RNF169: variants seen among roughly 807,000 people sequenced by gnomAD.
RNF169 encodes ring finger protein 169.
In RNF169, 24 loss-of-function variants were observed where a neutral mutation model predicts 53.9. That is an observed-to-expected ratio of 0.45 (90% confidence interval 0.32 to 0.63). The LOEUF (loss-of-function observed/expected upper bound fraction) is 0.63. Among genes scored for constraint, RNF169 ranks in the 20% least tolerant of loss-of-function variants. The probability of loss-of-function intolerance (pLI) is 0.04; values close to 1 mark genes in which losing one functional copy is unlikely to be tolerated. For synonymous variants in RNF169, 396 were observed against 363.5 expected (o/e 1.09, Z -1.02); for missense variants, 883 against 906.2 (o/e 0.97, Z 0.33).
In RNF169 at chr11:74,815,388, T is replaced by A. The variant is rs2035930030; in HGVS notation, c.724-2208T>A. Among the ~76,000 whole-genome samples the A allele has an allele frequency of 3.3e-5, 5 of 152,236 alleles. No homozygotes were observed. The South Asian group carries it at 8.3e-4, about 25-fold the overall frequency. ...CTGGCCAGCATGGTGAAACCCTGTCTCTACCAAAAATAGAAAAATTAGCCG... is the reference window on the plus strand; with the variant it reads ...CTGGCCAGCATGGTGAAACCCTGTCACTACCAAAAATAGAAAAATTAGCCG... On this transcript the variant is annotated intron_variant, in intron 3 of 5. Coordinates refer to ENST00000299563, the MANE Select transcript of RNF169 (RefSeq NM_001098638.2).
intron 4 of RNF169, among the ~76,000 whole-genome samples, chr11:74,820,035 TAC>T (rs1287792919): frequency 5.9e-5 from 9 of 152,172 alleles, no homozygotes; most frequent in Non-Finnish European, 1.3e-4. Flanking sequence ...GAGTCAGAGA[TAC>T]TAAACACATG....
intron 2 of RNF169, among the ~76,000 whole-genome samples, chr11:74,799,162 T>G: frequency 6.7e-6 from 1 of 149,982 alleles, no homozygotes; most frequent in African/African-American, 2.4e-5. Context: ...AAATGCCCAC[T>G]TTTAGCATGT....
intron 4 of RNF169, among the ~76,000 whole-genome samples, chr11:74,820,575 G>C (rs2035996070): frequency 6.6e-6 from 1 of 152,104 alleles, no homozygotes; most frequent in East Asian, 1.9e-4. Flanking sequence ...ATGAAGCAGT[G>C]AGTTGAAACA....
intron 2 of RNF169, among the ~76,000 whole-genome samples, chr11:74,797,215 C>G (rs1220675738): frequency 6.6e-6 from 1 of 152,130 alleles, no homozygotes; most frequent in African/African-American, 2.4e-5. Context: ...ACTTTTAGGA[C>G]CTAATTATCT....
chr11:74,836,691 G>A lies in RNF169; in HGVS notation c.2088G>A (p.Gln696=), dbSNP rs1406354539. The stretch of plus-strand genomic sequence containing the variant: ...GCCGGCGAAAAGGAAGTGTGGATCA[G>A]TATCTCCTACGGTCCAGCAACATGG... The part of the protein sequence containing the change: ...TVSRRKGSVD[Q]YLLRSSNMAG... Residue 696 remains glutamine (Q), a synonymous_variant, in exon 6 of 6, where the codon CAG becomes CAA. Transcript: ENST00000299563. 3 of 1,612,670 alleles carry A rather than the reference G, an allele frequency of 1.9e-6. No individual in the cohort carries two copies. The African/African-American group carries it at 4.0e-5, about 22-fold the overall frequency.
At chr11:74,752,407 G>A (rs2034911046) in intron 1 of RNF169, among the ~76,000 whole-genome samples, 1 of 151,808 alleles carries the variant, frequency 6.6e-6, no homozygotes, top group Non-Finnish European at 1.5e-5. Flanking sequence ...GACCAGCCTG[G>A]CTAACATGGT....
chr11:74,798,157 G>T (rs1375295357), intron 2 of RNF169, among the ~76,000 whole-genome samples: 3 of 152,170 alleles, frequency 2.0e-5, no homozygotes, highest in African/African-American at 7.2e-5. Flanking sequence ...CCTAAAAAAA[G>T]AACAAGATAA....
chr11:74,810,375 T>C (rs747905899), intron 3 of RNF169, 45 bp downstream of exon 3: 6 of 1,598,536 alleles, frequency 3.8e-6, no homozygotes, highest in Non-Finnish European at 5.1e-6. Flanking sequence ...CAAAAATCAG[T>C]GGTTAGCCCA....
intron 1 of RNF169, 82 bp from the exon 2 acceptor site, chr11:74,789,544 A>AT: frequency 2.6e-6 from 2 of 775,050 alleles, no homozygotes; most frequent in Non-Finnish European, 4.4e-6. Context: ...TCATCTATTT[A>AT]TATAACCCAC....
chr11:74,834,816 C>T (rs1397344475), intron 5 of RNF169, 41 bp downstream of exon 5: 1 of 1,312,690 alleles, frequency 7.6e-7, no homozygotes, highest in South Asian at 1.2e-5. Flanking sequence ...GTGAGGCTTG[C>T]CCCATCACCC....
At chr11:74,815,274 C>T (rs73492744) in intron 3 of RNF169, among the ~76,000 whole-genome samples, 8,516 of 152,110 alleles carry the variant, frequency 0.056, 329 homozygotes, top group South Asian at 0.2. Context: ...AGGAACTTGG[C>T]GCTGGGCGCG....
intron 1 of RNF169, among the ~76,000 whole-genome samples, chr11:74,760,713 G>A (rs2035067557): frequency 6.7e-6 from 1 of 149,038 alleles, no homozygotes; most frequent in Middle Eastern, 3.4e-3. Context: ...CATTTGCTGA[G>A]GAGAGTTTTA....
In RNF169 at chr11:74,842,237, C is replaced by G. The variant is rs1336383155; in HGVS notation, c.*5507C>G. On this transcript the variant is annotated 3_prime_UTR_variant, in exon 6 of 6. Coordinates refer to ENST00000299563, the MANE Select transcript of RNF169 (RefSeq NM_001098638.2). ...AGAGCATTTTGACAAAGACAGAGGA[C>G]TTGGACCAGGGCATGCCCTGTTGGG... The G allele has an allele frequency of 6.6e-6, 1 of 152,234 alleles. No individual in the cohort carries two copies. The highest frequency in any genetic ancestry group is 2.4e-5 in the African/African-American group (1 of 41,460). 9.4% of individuals were successfully genotyped at this position (152,234 alleles called of 1,614,324 possible).
chr11:74,835,350 G>A (rs1039448535), intron 5 of RNF169, among the ~76,000 whole-genome samples, 196 bp from the exon 6 acceptor site: 2 of 152,076 alleles, frequency 1.3e-5, no homozygotes, highest in Non-Finnish European at 2.9e-5. Flanking sequence ...TTTATGAATT[G>A]TTTGAAGTAT....
intron 4 of RNF169, among the ~76,000 whole-genome samples, chr11:74,833,983 TAGA>T (rs1250064932): frequency 6.6e-6 from 1 of 152,224 alleles, no homozygotes; most frequent in African/African-American, 2.4e-5. Context: ...ATAAAACTCT[TAGA>T]AGAAGACACT....
chr11:74,814,821 A>G (rs1252069395), intron 3 of RNF169, among the ~76,000 whole-genome samples: 1 of 152,146 alleles, frequency 6.6e-6, no homozygotes, highest in Non-Finnish European at 1.5e-5. Context: ...GATGGAATCC[A>G]TTTGTCTCAT....
rs2135160447 is a variant in RNF169 at position 74,839,118 on chromosome 11, G to T, written c.*2388G>T. On this transcript the variant is annotated 3_prime_UTR_variant, in exon 6 of 6. Coordinates refer to ENST00000299563, the MANE Select transcript of RNF169 (RefSeq NM_001098638.2). The stretch of plus-strand genomic sequence containing the variant: ...AGTGCAGAATGAAGAACAAATTCTT[G>T]TTAAGCAAATAGTCCAAACTCTAGG... 6.6e-6 allele frequency: 1 copy of T among 152,246 alleles called. No homozygotes were observed. Among genetic ancestry groups the T allele is most frequent in the Non-Finnish European group, 1.5e-5 (1 of 68,014 alleles). 9.4% of individuals were successfully genotyped at this position (152,246 alleles called of 1,614,324 possible).
At chr11:74,814,347 A>C (rs561716422) in intron 3 of RNF169, among the ~76,000 whole-genome samples, 21 of 151,028 alleles carry the variant, frequency 1.4e-4, no homozygotes, top group African/African-American at 4.4e-4. Context: ...AACAAACAAA[A>C]AAAATAAATT....
intron 1 of RNF169, among the ~76,000 whole-genome samples, chr11:74,776,468 A>G: frequency 1.4e-5 from 2 of 146,828 alleles, no homozygotes; most frequent in Non-Finnish European, 3.0e-5. Context: ...AAAAGACCAT[A>G]GTGCAAAATG....
Sources: allele counts gnomAD v4.1 joint callset (sites outside exome capture counted in the v4.1 genomes callset), GRCh38; gene constraint gnomAD v4.1.1; transcripts MANE v1.5; gene names NCBI Gene and HGNC (gene_info 2026-07-23, HGNC 2026-07-21).